TENT4B: variants seen among roughly 807,000 people sequenced by gnomAD.
TENT4B encodes terminal nucleotidyltransferase 4B, also known as PAP associated domain containing 5.
A neutral mutation model predicts 75.0 loss-of-function variants in TENT4B; 10 were observed. That is an observed-to-expected ratio of 0.13 (90% confidence interval 0.08 to 0.23). TENT4B has a LOEUF of 0.23. Ranked by LOEUF, TENT4B falls within the 10% of genes least tolerant of loss-of-function variation. The pLI is 1.00. For missense variants in TENT4B, 579 were observed against 893.8 expected, an observed-to-expected ratio of 0.65 and a Z score of 4.49; for synonymous variants, 350 against 357.7, an observed-to-expected ratio of 0.98 and a Z score of 0.24.
At chr16:50,226,523 C>T (rs1170041036) in intron 10 of TENT4B, among the ~76,000 whole-genome samples, 4 of 152,178 alleles carry the variant, frequency 2.6e-5, no homozygotes, top group Admixed American at 6.5e-5. Context: ...GCTCCGCCTC[C>T]CGGGTTCATG....
chr16:50,234,923 T>C lies in TENT4B; in HGVS notation c.*5595T>C. 1 of 985,848 alleles carries C rather than the reference T, an allele frequency of 1.0e-6. No individual in the cohort carries two copies. The highest frequency in any genetic ancestry group is 1.2e-6 in the Non-Finnish European group (1 of 829,886). 61.1% of individuals were successfully genotyped at this position (985,848 alleles called of 1,614,324 possible). A position where few individuals can be genotyped will look rare whatever the true frequency, so the allele number is the denominator to read the frequency against. ...CTTTTTATGTATTTCCTTCTTTGATTAGCATTGTCTTCAGTGTTAAGAAAT... is the reference window on the plus strand; with the variant it reads ...CTTTTTATGTATTTCCTTCTTTGATCAGCATTGTCTTCAGTGTTAAGAAAT... On this transcript the variant is annotated 3_prime_UTR_variant, in exon 12 of 12. Transcript: ENST00000561678.
chr16:50,183,300 T>TC (rs934526768), intron 1 of TENT4B, among the ~76,000 whole-genome samples: 2 of 152,012 alleles, frequency 1.3e-5, no homozygotes, highest in African/African-American at 4.8e-5. Flanking sequence ...CACCTGAGCC[T>TC]CCCAAAGTGC....
intron 1 of TENT4B, among the ~76,000 whole-genome samples, chr16:50,175,310 A>G (rs77752524): frequency 2.3e-4 from 35 of 152,254 alleles, no homozygotes; most frequent in African/African-American, 7.5e-4. Flanking sequence ...CAGTTTACCA[A>G]TTCTTTCTTT....
chr16:50,228,986 A>G (rs993034425), intron 11 of TENT4B, among the ~76,000 whole-genome samples, 166 bp from the exon 12 acceptor site: 2 of 152,088 alleles, frequency 1.3e-5, no homozygotes, highest in Non-Finnish European at 2.9e-5. Context: ...GCTAAAAAGA[A>G]CCCCTGTAAC....
intron 1 of TENT4B, among the ~76,000 whole-genome samples, chr16:50,168,467 A>ATTTTTTTTTTTT (rs61664898): frequency 8.1e-6 from 1 of 123,362 alleles, no homozygotes; most frequent in African/African-American, 3.1e-5. Context: ...CACCCAGCTA[A>ATTTTTTTTTTTT]TTTTTTTTTT....
chr16:50,203,584 G>A (rs1291209985), intron 1 of TENT4B, among the ~76,000 whole-genome samples: 1 of 152,172 alleles, frequency 6.6e-6, no homozygotes, highest in African/African-American at 2.4e-5. Flanking sequence ...TCTGAAAGGT[G>A]TAATTGCCTT....
chr16:50,224,437 C>T (rs1342097003), intron 7 of TENT4B, among the ~76,000 whole-genome samples: 1 of 152,010 alleles, frequency 6.6e-6, no homozygotes, highest in African/African-American at 2.4e-5. Flanking sequence ...TCTTGATGGG[C>T]CAGAATACAT....
At chr16:50,158,301 G>C (rs563244321) in intron 1 of TENT4B, among the ~76,000 whole-genome samples, 7 of 151,290 alleles carry the variant, frequency 4.6e-5, no homozygotes, top group Admixed American at 1.3e-4. Context: ...TGGCCAGACT[G>C]GTTTCGAACT....
chr16:50,218,080 G>C (rs148555799), intron 5 of TENT4B, among the ~76,000 whole-genome samples: 1 of 151,698 alleles, frequency 6.6e-6, no homozygotes, highest in African/African-American at 2.4e-5. Flanking sequence ...TGTATGCAAC[G>C]GTTTTGCTTT....
At chr16:50,180,452 A>G (rs1329223114) in intron 1 of TENT4B, among the ~76,000 whole-genome samples, 1 of 152,162 alleles carries the variant, frequency 6.6e-6, no homozygotes, top group African/African-American at 2.4e-5. Context: ...TCATGCCTGT[A>G]ATCTCACACT....
Position 50,153,718 on chromosome 16 carries a change from C to T in TENT4B, c.97C>T (p.Leu33Phe). Residue 33 changes from leucine to phenylalanine, a missense_variant, in exon 1 of 12, where the codon CTC becomes TTC. Leu to Phe is a conservative substitution (Grantham distance 22). This residue lies in a region of TENT4B where 253 missense variants were observed against 270.1 expected (regional missense o/e 0.94). Transcript: ENST00000561678. Reference sequence around the variant, plus strand: ...GGAGACGACCCAGGGGCTGAGGAACCTCTACTTCAACCACCACTGTCACAG... The same window carrying T: ...GGAGACGACCCAGGGGCTGAGGAACTTCTACTTCAACCACCACTGTCACAG... ...IWETTQGLRN[L>F]YFNHHCHSSG... is the part of the protein sequence containing the mutation. 3.8e-6 allele frequency: 4 copies of T among 1,044,428 alleles called. No homozygotes were observed. Among genetic ancestry groups the T allele is most frequent in the Non-Finnish European group, 4.6e-6 (4 of 870,354 alleles). 64.7% of individuals were successfully genotyped at this position (1,044,428 alleles called of 1,614,324 possible). A position where few individuals can be genotyped will look rare whatever the true frequency, so the allele number is the denominator to read the frequency against.
At chr16:50,212,631 A>G (rs376478033) in intron 2 of TENT4B, among the ~76,000 whole-genome samples, 1 of 152,160 alleles carries the variant, frequency 6.6e-6, no homozygotes, top group Non-Finnish European at 1.5e-5. Flanking sequence ...AGGCAAGGGT[A>G]CTAATGTTTT....
intron 4 of TENT4B, among the ~76,000 whole-genome samples, chr16:50,216,689 T>C (rs1385106413): frequency 6.6e-6 from 1 of 152,080 alleles, no homozygotes; most frequent in East Asian, 1.9e-4. Flanking sequence ...GTTTGTTTTA[T>C]TCATTTTTTT....
intron 1 of TENT4B, among the ~76,000 whole-genome samples, chr16:50,207,338 C>T (rs191032745): frequency 1.4e-4 from 21 of 152,086 alleles, no homozygotes; most frequent in African/African-American, 4.8e-4. Context: ...TGCACCATCA[C>T]GCCTGGCTAA....
intron 1 of TENT4B, among the ~76,000 whole-genome samples, chr16:50,167,074 G>T (rs1266619524): frequency 6.6e-6 from 1 of 152,090 alleles, no homozygotes; most frequent in South Asian, 2.1e-4. Context: ...CAGGCATGTC[G>T]CTAGCATGCC....
At chr16:50,200,528 C>T (rs1380165489) in intron 1 of TENT4B, among the ~76,000 whole-genome samples, 1 of 152,128 alleles carries the variant, frequency 6.6e-6, no homozygotes, top group African/African-American at 2.4e-5. Context: ...TGTTGTTGCA[C>T]ATCCTCACCA....
intron 1 of TENT4B, among the ~76,000 whole-genome samples, chr16:50,158,453 A>G (rs1305991055): frequency 2.6e-5 from 4 of 152,130 alleles, no homozygotes; most frequent in East Asian, 3.9e-4. Context: ...AGAACTGGCC[A>G]TGGTTTAGGA....
chr16:50,233,805 G>C lies in TENT4B; in HGVS notation c.*4477G>C. On this transcript the variant is annotated 3_prime_UTR_variant, in exon 12 of 12. Coordinates refer to ENST00000561678, the MANE Select transcript of TENT4B (RefSeq NM_001365324.3). ...AAAAGGAGACAGAACCAGAGAGATG[G>C]ATGTAGTGCATTCCCTTTGGTTATT... 2 of 985,386 alleles carry C rather than the reference G, an allele frequency of 2.0e-6. No homozygotes were observed. The highest frequency in any genetic ancestry group is 2.4e-6 in the Non-Finnish European group (2 of 829,922). The allele number at this position is 985,386 out of a possible 1,614,324, so 61.0% of individuals were successfully genotyped here. A position where few individuals can be genotyped will look rare whatever the true frequency, so the allele number is the denominator to read the frequency against.
At chr16:50,169,205 C>G (rs920762718) in intron 1 of TENT4B, among the ~76,000 whole-genome samples, 1 of 152,180 alleles carries the variant, frequency 6.6e-6, no homozygotes, top group Non-Finnish European at 1.5e-5. Context: ...ATAGATTTCT[C>G]TGCTGTCTCT....
Sources: allele counts gnomAD v4.1 joint callset (sites outside exome capture counted in the v4.1 genomes callset), GRCh38; gene constraint gnomAD v4.1.1; regional missense constraint gnomAD v4.1.1; transcripts MANE v1.5; gene names NCBI Gene and HGNC (gene_info 2026-07-23, HGNC 2026-07-21).